CDH8: variants seen among roughly 807,000 people sequenced by gnomAD.
The protein encoded by CDH8 is cadherin 8, also known as cadherin-8.
CDH8 carries 17 observed loss-of-function variants against 68.1 expected under a neutral mutation model. The ratio of observed to expected loss-of-function variants is 0.25; its 90% CI spans 0.17 to 0.37. CDH8 has a LOEUF of 0.37. Among genes scored for constraint, CDH8 ranks in the 10% least tolerant of loss-of-function variants. CDH8 has a pLI of 1.00. For missense variants in CDH8, 763 were observed against 999.3 expected (o/e 0.76, Z 3.19); for synonymous variants, 372 against 365.1 (o/e 1.02, Z -0.21).
chr16:61,849,993 T>C (rs2143012199), intron 4 of CDH8, among the ~76,000 whole-genome samples: 1 of 152,274 alleles, frequency 6.6e-6, no homozygotes, highest in South Asian at 2.1e-4. Flanking sequence ...ACAGTGTTAG[T>C]GCTCTTAAAA....
intron 8 of CDH8, among the ~76,000 whole-genome samples, chr16:61,766,517 G>C (rs1451080984): frequency 6.6e-6 from 1 of 151,924 alleles, no homozygotes; most frequent in African/African-American, 2.4e-5. Context: ...GCATGGGATT[G>C]CTGGATCAAA....
intron 8 of CDH8, among the ~76,000 whole-genome samples, chr16:61,770,369 C>T (rs1473485576): frequency 2.6e-5 from 4 of 151,848 alleles, no homozygotes; most frequent in Admixed American, 6.6e-5. Context: ...CAGGCCATTT[C>T]CCTAAGTCAT....
chr16:61,666,202 G>A (rs927940749), intron 10 of CDH8, among the ~76,000 whole-genome samples: 9 of 148,958 alleles, frequency 6.0e-5, no homozygotes, highest in Admixed American at 2.0e-4. Flanking sequence ...GTGTGTGTGT[G>A]TGTGTATATA....
At chr16:62,008,968 A>G (rs575366981) in intron 2 of CDH8, among the ~76,000 whole-genome samples, 20 of 150,980 alleles carry the variant, frequency 1.3e-4, no homozygotes, top group Admixed American at 4.6e-4. Flanking sequence ...CACACACATG[A>G]GTATGACAAA....
intron 10 of CDH8, among the ~76,000 whole-genome samples, chr16:61,666,480 G>A (rs1190505584): frequency 1.3e-5 from 2 of 151,806 alleles, no homozygotes; most frequent in Non-Finnish European, 2.9e-5. Context: ...TGTTACTTTG[G>A]ACTAGATCCT....
At chr16:61,670,979 C>T (rs1963780354) in intron 10 of CDH8, among the ~76,000 whole-genome samples, 1 of 151,974 alleles carries the variant, frequency 6.6e-6, no homozygotes, top group South Asian at 2.1e-4. Context: ...TGAAAGCAGG[C>T]AACTGAAACC....
At chr16:61,746,475 C>G (rs571539223) in intron 8 of CDH8, among the ~76,000 whole-genome samples, 1 of 151,520 alleles carries the variant, frequency 6.6e-6, no homozygotes, top group East Asian at 1.9e-4. Context: ...TTCTCCCTAA[C>G]TTTATGGTTG....
At chr16:61,684,788 T>C (rs934646421) in intron 10 of CDH8, among the ~76,000 whole-genome samples, 1 of 151,996 alleles carries the variant, frequency 6.6e-6, no homozygotes, top group South Asian at 2.1e-4. Context: ...TCCAAGTTAT[T>C]CATCTCCCTT....
chr16:61,652,793 G>C lies in CDH8; in HGVS notation c.*815C>G, dbSNP rs574699097. ...GAGGATTAAACAAATAAATTCACGC[G>C]CTAGCAATAAAACCATCTGTCTCTT... On this transcript the variant is annotated 3_prime_UTR_variant, in exon 12 of 12. Transcript: ENST00000577390. 5 of 1,344,184 alleles carry C rather than the reference G, an allele frequency of 3.7e-6. No homozygotes were observed. The highest frequency in any genetic ancestry group is 4.8e-6 in the Non-Finnish European group (5 of 1,044,978). 83.3% of individuals were successfully genotyped at this position (1,344,184 alleles called of 1,614,324 possible).
intron 7 of CDH8, among the ~76,000 whole-genome samples, chr16:61,803,584 G>C (rs1961714676): frequency 6.6e-6 from 1 of 152,092 alleles, no homozygotes; most frequent in Non-Finnish European, 1.5e-5. Flanking sequence ...CTCACGTGCA[G>C]AGACACACAT....
intron 9 of CDH8, among the ~76,000 whole-genome samples, chr16:61,719,324 T>C (rs992736285): frequency 6.6e-6 from 1 of 151,188 alleles, no homozygotes; most frequent in Non-Finnish European, 1.5e-5. Flanking sequence ...AAATGCATTG[T>C]AGAACTTCCA....
chr16:61,818,611 A>G (rs1157017825), intron 6 of CDH8, among the ~76,000 whole-genome samples: 3 of 152,190 alleles, frequency 2.0e-5, no homozygotes. Flanking sequence ...AAGTAAAGCT[A>G]GGTAAAAAGA....
At chr16:61,727,249 GGT>G in intron 8 of CDH8, 34 bp from the exon 9 acceptor site, 1 of 1,557,044 alleles carries the variant, frequency 6.4e-7, no homozygotes, top group Non-Finnish European at 8.7e-7. Flanking sequence ...CAGCATTGAG[GGT>G]ATTTCATTTT....
At chr16:61,659,657 C>T (rs1243943116) in intron 10 of CDH8, among the ~76,000 whole-genome samples, 4 of 152,144 alleles carry the variant, frequency 2.6e-5, no homozygotes, top group Non-Finnish European at 4.4e-5. Context: ...GCCAAAAAGA[C>T]TTGAGGCTAT....
At chr16:61,725,121 A>G (rs1959311676) in intron 9 of CDH8, 1 of 151,016 alleles carries the variant, frequency 6.6e-6, no homozygotes, top group African/African-American at 2.4e-5. Flanking sequence ...AAAATGGTGT[A>G]GCACACATAC....
intron 2 of CDH8, among the ~76,000 whole-genome samples, chr16:62,018,492 A>G (rs1453710018): frequency 2.0e-5 from 3 of 152,086 alleles, no homozygotes; most frequent in African/African-American, 4.8e-5. Context: ...GAGGTAAAAC[A>G]CTAAAGCACC....
intron 2 of CDH8, among the ~76,000 whole-genome samples, chr16:61,986,023 A>G (rs1386637574): frequency 2.0e-5 from 3 of 146,384 alleles, no homozygotes; most frequent in Non-Finnish European, 4.5e-5. Flanking sequence ...TCCCTGGTTC[A>G]AGTGATTCTC....
intron 2 of CDH8, among the ~76,000 whole-genome samples, chr16:61,930,655 A>T (rs1216249514): frequency 6.6e-6 from 1 of 152,222 alleles, no homozygotes; most frequent in Non-Finnish European, 1.5e-5. Context: ...GTTAAGAACT[A>T]TGTGGACCCT....
rs76862808 is a variant in CDH8 at position 61,956,394 on chromosome 16, T to A, written c.253-54921A>T. 1.1e-3 allele frequency among the ~76,000 whole-genome samples: 170 copies of A among 152,236 alleles called. 3 individuals carry two copies. Among genetic ancestry groups the A allele is most frequent in the South Asian group, 9.3e-3 (45 of 4,820 alleles). On this transcript the variant is annotated intron_variant, in intron 2 of 11. Coordinates refer to ENST00000577390, the MANE Select transcript of CDH8 (RefSeq NM_001796.5). ...TAAACTCAAAGAAAATGTCTACAAT[T>A]TACTCAAATAACCACTAACTCCAAA...
Sources: allele counts gnomAD v4.1 joint callset (sites outside exome capture counted in the v4.1 genomes callset), GRCh38; gene constraint gnomAD v4.1.1; transcripts MANE v1.5; gene names NCBI Gene and HGNC (gene_info 2026-07-23, HGNC 2026-07-21).